Variants in XRRA1 observed in about 807,000 individuals in gnomAD.
XRRA1 encodes the protein X-ray radiation resistance associated 1.
Under a neutral mutation model 80.2 loss-of-function variants are expected in XRRA1, and 69 were observed. That is an observed-to-expected ratio of 0.86 (90% confidence interval 0.71 to 1.05). The LOEUF is 1.05. XRRA1 is among the 50% of genes least tolerant of loss of function. XRRA1 has a pLI of 0.00. For synonymous variants in XRRA1, 348 were observed against 389.9 expected (o/e 0.89, Z 1.27); for missense variants, 967 against 976.4 (o/e 0.99, Z 0.13).
intron 12 of XRRA1, 26 bp from the exon 13 acceptor site, chr11:74,852,108 C>G: frequency 1.9e-6 from 3 of 1,589,224 alleles, no homozygotes; most frequent in Non-Finnish European, 2.6e-6. Context: ...GAGAGACTCT[C>G]AGGTTGACAC....
At chr11:74,943,747 T>C (rs543244) in intron 2 of XRRA1, among the ~76,000 whole-genome samples, 58,339 of 152,028 alleles carry the variant, frequency 0.38, 12,499 homozygotes, top group Middle Eastern at 0.5. Flanking sequence ...TTTGCCATTT[T>C]AGAACAATGT....
At chr11:74,902,758 A>C (rs2053803127) in intron 10 of XRRA1, among the ~76,000 whole-genome samples, 1 of 152,140 alleles carries the variant, frequency 6.6e-6, no homozygotes, top group Admixed American at 6.5e-5. Context: ...AAAGATGGTT[A>C]CCAGAGGCTG....
chr11:74,936,940 ACT>A lies in XRRA1; in HGVS notation c.221_222del (p.Glu74ValfsTer35). On this transcript the variant is annotated frameshift_variant, in exon 4 of 19. Coordinates refer to ENST00000684022, the MANE Select transcript of XRRA1 (RefSeq NM_001378157.1). LOFTEE classifies it high-confidence loss of function. ...ATSFEFKGKKESRRENQVDLP... is the reference protein window; with the variant it reads ...ATSFEFKGKKXSRRENQVDLP... ...AGGTCCACCTGATTTTCCCGCCGAG[ACT>A]CTTTCTTCCCCTTGAACTCAAAAGA... 1 of 1,613,400 alleles carries A rather than the reference ACT, an allele frequency of 6.2e-7. No homozygotes were observed. Among genetic ancestry groups the A allele is most frequent in the African/African-American group, 1.3e-5 (1 of 74,834 alleles).
chr11:74,877,465 T>G (rs1056518806), intron 10 of XRRA1, among the ~76,000 whole-genome samples: 38 of 152,124 alleles, frequency 2.5e-4, no homozygotes, highest in Non-Finnish European at 4.4e-5. Context: ...TTTTTTTTAT[T>G]TTTTATTTTA....
intron 10 of XRRA1, among the ~76,000 whole-genome samples, chr11:74,882,906 C>G (rs1435731615): frequency 6.6e-6 from 1 of 152,210 alleles, no homozygotes; most frequent in East Asian, 1.9e-4. Context: ...AACCACTGCT[C>G]TCTTCAAAGC....
chr11:74,923,011 T>C (rs1307946657), intron 7 of XRRA1, among the ~76,000 whole-genome samples: 2 of 152,178 alleles, frequency 1.3e-5, no homozygotes, highest in Non-Finnish European at 2.9e-5. Context: ...TATATGTTCA[T>C]TATGTAGCAA....
In XRRA1 at chr11:74,907,240, C is replaced by T; in HGVS notation, c.690G>A (p.Arg230=). 6.2e-7 allele frequency: 1 copy of T among 1,613,940 alleles called. No individual in the cohort carries two copies. Among genetic ancestry groups the T allele is most frequent in the Non-Finnish European group, 8.5e-7 (1 of 1,179,864 alleles). ...EASVTSLTSK[R]YILRFPALET... is the part of the protein sequence containing the mutation. ...CCAGCGCTGGGAACCTCAGGATGTA[C>T]CTCTTGCTTGTCAGCGATGTTACAG... Residue 230 remains arginine (R), a synonymous_variant, in exon 9 of 19, where the codon AGG becomes AGA. Transcript: ENST00000684022.
intron 10 of XRRA1, among the ~76,000 whole-genome samples, chr11:74,893,519 G>C (rs151163488): frequency 1.3e-5 from 2 of 151,428 alleles, no homozygotes; most frequent in African/African-American, 4.9e-5. Flanking sequence ...TAACCTGCAC[G>C]TTGTGCACAT....
intron 7 of XRRA1, among the ~76,000 whole-genome samples, chr11:74,925,288 G>C (rs918088552): frequency 1.3e-5 from 2 of 152,212 alleles, no homozygotes; most frequent in African/African-American, 4.8e-5. Flanking sequence ...TCTGTAATCC[G>C]AGAATCAAAC....
At chr11:74,940,428 C>T (rs1049616223) in intron 3 of XRRA1, among the ~76,000 whole-genome samples, 6 of 152,052 alleles carry the variant, frequency 3.9e-5, no homozygotes, top group Admixed American at 6.5e-5. Flanking sequence ...GTTTGGCTAA[C>T]AAGAATGAGG....
chr11:74,945,512 C>T (rs967317211), intron 1 of XRRA1, among the ~76,000 whole-genome samples: 3 of 152,190 alleles, frequency 2.0e-5, no homozygotes, highest in African/African-American at 7.2e-5. Flanking sequence ...CTGTAGGAGG[C>T]ATGCAGACCT....
intron 8 of XRRA1, among the ~76,000 whole-genome samples, chr11:74,908,576 T>G (rs2055145991): frequency 6.6e-6 from 1 of 152,206 alleles, no homozygotes; most frequent in Non-Finnish European, 1.5e-5. Flanking sequence ...TACTAATTAA[T>G]TCGTTCATTC....
chr11:74,845,803 T>C (rs1048980371), intron 15 of XRRA1: 1 of 154,718 alleles, frequency 6.5e-6, no homozygotes, highest in Non-Finnish European at 1.4e-5. Flanking sequence ...TTGTATTTTC[T>C]TTATGCTCAC....
At chr11:74,863,222 A>G in intron 10 of XRRA1, 1 of 620,884 alleles carries the variant, frequency 1.6e-6, no homozygotes, top group Non-Finnish European at 2.9e-6. Flanking sequence ...TGCACTTAGG[A>G]TAAAATACAA....
At position 74,859,265 on chromosome 11, in the gene XRRA1, G is replaced by A. The variant is rs771963741; in HGVS notation, c.1063C>T (p.Leu355Phe). The change falls in exon 12 of 19, where the codon CTT becomes TTT. Residue 355 changes from leucine to phenylalanine, a missense_variant. Leu to Phe is a conservative substitution (Grantham distance 22, BLOSUM62 0). Coordinates refer to ENST00000684022, the MANE Select transcript of XRRA1 (RefSeq NM_001378157.1). ...GGAAGGATCTCGAATATGGGAGGAA[G>A]TGAACATATCTTGGTTGTCTTAGAA... ...STSETTKICS[L>F]PPIFEILPVK... 7 of 1,607,714 alleles carry A rather than the reference G, an allele frequency of 4.4e-6. No homozygotes were observed. Among genetic ancestry groups the A allele is most frequent in the Middle Eastern group, 1.6e-4 (1 of 6,068 alleles).
intron 10 of XRRA1, among the ~76,000 whole-genome samples, chr11:74,894,349 C>G (rs1455480623): frequency 6.6e-6 from 1 of 152,150 alleles, no homozygotes; most frequent in African/African-American, 2.4e-5. Context: ...ATCTGTACAT[C>G]AAACCCCCCA....
intron 11 of XRRA1, among the ~76,000 whole-genome samples, chr11:74,862,272 G>A (rs779762918): frequency 6.6e-6 from 1 of 151,872 alleles, no homozygotes; most frequent in African/African-American, 2.4e-5. Flanking sequence ...TCACTTCGTC[G>A]ACTCAATTGT....
chr11:74,930,272 G>C (rs1943211041), intron 6 of XRRA1, 28 bp downstream of exon 6: 2 of 1,528,260 alleles, frequency 1.3e-6, no homozygotes, highest in Non-Finnish European at 1.8e-6. Context: ...AGAGGAGGAA[G>C]AGAGCTTTCA....
At chr11:74,874,624 C>A (rs2045651783) in intron 10 of XRRA1, among the ~76,000 whole-genome samples, 1 of 152,190 alleles carries the variant, frequency 6.6e-6, no homozygotes, top group Non-Finnish European at 1.5e-5. Context: ...CGATTGCTGT[C>A]CTCTAAGGGA....
Sources: allele counts gnomAD v4.1 joint callset (sites outside exome capture counted in the v4.1 genomes callset), GRCh38; gene constraint gnomAD v4.1.1; transcripts MANE v1.5; gene names NCBI Gene and HGNC (gene_info 2026-07-23, HGNC 2026-07-21).